Variants in LRRC4C observed in about 807,000 individuals in gnomAD.
LRRC4C encodes the protein leucine rich repeat containing 4C, also known as leucine-rich repeat-containing protein 4C.
Under a neutral mutation model 33.6 loss-of-function variants are expected in LRRC4C, and 5 were observed. The ratio of observed to expected loss-of-function variants is 0.15; its 90% CI spans 0.08 to 0.31. The LOEUF is 0.31. Among genes scored for constraint, LRRC4C ranks in the 10% least tolerant of loss-of-function variants. LRRC4C has a pLI of 1.00. For synonymous variants in LRRC4C, 329 were observed against 302.0 expected (o/e 1.09, Z -0.93); for missense variants, 560 against 796.7 (o/e 0.70, Z 3.58).
chr11:40,270,989 T>C (rs186698550), intron 4 of LRRC4C, among the ~76,000 whole-genome samples: 19 of 152,274 alleles, frequency 1.2e-4, no homozygotes, highest in African/African-American at 4.3e-4. Flanking sequence ...TACTGACATT[T>C]GAGCACCTAC....
chr11:40,702,595 T>C (rs1395127464), intron 2 of LRRC4C, among the ~76,000 whole-genome samples: 3 of 152,160 alleles, frequency 2.0e-5, no homozygotes, highest in African/African-American at 4.8e-5. Flanking sequence ...ATGGCGTCCA[T>C]GTTTCCCTGT....
intron 3 of LRRC4C, among the ~76,000 whole-genome samples, chr11:40,515,879 A>G (rs1290921338): frequency 2.6e-5 from 4 of 152,060 alleles, no homozygotes; most frequent in Non-Finnish European, 5.9e-5. Flanking sequence ...GATTAAGTAT[A>G]CTATTAAATT....
chr11:40,656,472 C>CT (rs11371073), intron 2 of LRRC4C, among the ~76,000 whole-genome samples: 53,822 of 144,286 alleles, frequency 0.37, 10,685 homozygotes, highest in East Asian at 0.6. Flanking sequence ...AAGTGGGTCA[C>CT]TTTTTTTTTT....
chr11:40,217,434 T>C (rs182471982), intron 5 of LRRC4C, among the ~76,000 whole-genome samples: 3 of 152,182 alleles, frequency 2.0e-5, no homozygotes, highest in Admixed American at 2.0e-4. Context: ...AAAAAAGACA[T>C]AGATTTTTAT....
chr11:40,811,731 A>G (rs1951499123), intron 2 of LRRC4C, among the ~76,000 whole-genome samples: 1 of 152,176 alleles, frequency 6.6e-6, no homozygotes, highest in Non-Finnish European at 1.5e-5. Flanking sequence ...TCTGAGCTCA[A>G]GCAATATGCC....
At chr11:40,840,182 A>G (rs1009347380) in intron 2 of LRRC4C, among the ~76,000 whole-genome samples, 2 of 152,204 alleles carry the variant, frequency 1.3e-5, no homozygotes, top group African/African-American at 2.4e-5. Context: ...TACAGTGGCA[A>G]TAATCAACAC....
At chr11:41,375,060 A>G (rs1460033842) in intron 1 of LRRC4C, among the ~76,000 whole-genome samples, 1 of 152,024 alleles carries the variant, frequency 6.6e-6, no homozygotes, top group Non-Finnish European at 1.5e-5. Flanking sequence ...CCAGAAAGTC[A>G]AGGCTGCAAT....
In LRRC4C at chr11:41,019,021, C is replaced by G. The variant is rs188887577; in HGVS notation, c.-495-85298G>C. 2.6e-5 allele frequency among the ~76,000 whole-genome samples: 4 copies of G among 152,224 alleles called. No homozygotes were observed. The East Asian group carries it at 7.7e-4, about 29-fold the overall frequency. Reference sequence around the variant, plus strand: ...TCAAATTGTCTAGTGCCCCTTTGTACTCCATCCTAAACCCCTACTGTTTTT... The same window carrying G: ...TCAAATTGTCTAGTGCCCCTTTGTAGTCCATCCTAAACCCCTACTGTTTTT... On this transcript the variant is annotated intron_variant, in intron 1 of 6. Coordinates refer to ENST00000528697, the MANE Select transcript of LRRC4C (RefSeq NM_001258419.2).
At chr11:41,065,880 AG>A (rs763089263) in intron 1 of LRRC4C, among the ~76,000 whole-genome samples, 3 of 152,192 alleles carry the variant, frequency 2.0e-5, no homozygotes, top group African/African-American at 7.2e-5. Flanking sequence ...TCAACAAAAA[AG>A]CTTCCTCCAC....
intron 1 of LRRC4C, among the ~76,000 whole-genome samples, chr11:41,007,169 T>C (rs1854815743): frequency 6.6e-6 from 1 of 151,926 alleles, no homozygotes; most frequent in African/African-American, 2.4e-5. Flanking sequence ...AGTAAAAATC[T>C]AGAAAATATT....
At chr11:40,781,150 C>T (rs114870384) in intron 2 of LRRC4C, among the ~76,000 whole-genome samples, 5,797 of 152,040 alleles carry the variant, frequency 0.038, 151 homozygotes, top group African/African-American at 0.069. Flanking sequence ...ATATGGCAGG[C>T]AATTGTAACA....
intron 1 of LRRC4C, among the ~76,000 whole-genome samples, chr11:41,012,952 T>C (rs2137556699): frequency 6.6e-6 from 1 of 152,310 alleles, no homozygotes; most frequent in Admixed American, 6.5e-5. Context: ...CTATTGAGTT[T>C]GAGCTCCTTA....
intron 1 of LRRC4C, among the ~76,000 whole-genome samples, chr11:41,274,258 G>T (rs1949410074): frequency 6.6e-6 from 1 of 152,136 alleles, no homozygotes; most frequent in Non-Finnish European, 1.5e-5. Context: ...CCAACAGATG[G>T]TTCTGAATAG....
chr11:41,184,217 A>G (rs1220959187), intron 1 of LRRC4C, among the ~76,000 whole-genome samples: 5 of 151,176 alleles, frequency 3.3e-5, no homozygotes, highest in Non-Finnish European at 7.4e-5. Context: ...ATTTACGCAA[A>G]TTTCTGCAGC....
chr11:40,363,241 A>T (rs1948046131), intron 3 of LRRC4C, among the ~76,000 whole-genome samples: 1 of 152,182 alleles, frequency 6.6e-6, no homozygotes. Flanking sequence ...AAAGAATGAG[A>T]CCATGTCCTT....
chr11:40,256,691 A>C (rs1565194151), intron 4 of LRRC4C, among the ~76,000 whole-genome samples: 1 of 152,218 alleles, frequency 6.6e-6, no homozygotes, highest in South Asian at 2.1e-4. Flanking sequence ...CCTTTATCTT[A>C]TCTTCTCTTA....
At chr11:41,182,520 G>A (rs941478686) in intron 1 of LRRC4C, among the ~76,000 whole-genome samples, 2 of 152,012 alleles carry the variant, frequency 1.3e-5, no homozygotes, top group African/African-American at 4.8e-5. Flanking sequence ...CAATGTTTCT[G>A]AACCACAGTT....
intron 4 of LRRC4C, among the ~76,000 whole-genome samples, chr11:40,251,146 T>C (rs1866758483): frequency 6.6e-6 from 1 of 152,202 alleles, no homozygotes; most frequent in Admixed American, 6.5e-5. Context: ...AGAACCAATG[T>C]ACATAATCTT....
chr11:41,118,283 T>C (rs1056627645), intron 1 of LRRC4C, among the ~76,000 whole-genome samples: 2 of 152,170 alleles, frequency 1.3e-5, no homozygotes, highest in African/African-American at 2.4e-5. Flanking sequence ...CCCTCTTACA[T>C]TATGAGGACA....
Sources: gnomAD v4.1 joint callset for allele counts (sites outside exome capture counted in the v4.1 genomes callset) on GRCh38, gnomAD v4.1.1 for gene constraint, MANE v1.5 for transcripts, NCBI Gene and HGNC (gene_info 2026-07-23, HGNC 2026-07-21) for gene names.